Variants in EPB41L3 observed in about 807,000 individuals in gnomAD.
EPB41L3 encodes erythrocyte membrane protein band 4.1 like 3.
A neutral mutation model predicts 127.1 loss-of-function variants in EPB41L3; 57 were observed. The observed-to-expected ratio is 0.45, with a 90% CI of 0.36 to 0.56. EPB41L3 has a LOEUF of 0.56. Among genes scored for constraint, EPB41L3 ranks in the 20% least tolerant of loss-of-function variants. The pLI is 0.00. For missense variants in EPB41L3, 1,273 were observed against 1,372.2 expected (o/e 0.93, Z 1.14); for synonymous variants, 572 against 549.5 (o/e 1.04, Z -0.57).
At chr18:5,406,721 A>G in intron 16 of EPB41L3, 56 bp downstream of exon 16, 3 of 1,485,544 alleles carry the variant, frequency 2.0e-6, no homozygotes, top group Non-Finnish European at 2.8e-6. Context: ...CACACCCTGT[A>G]GAGAAGGAAG....
At chr18:5,593,781 G>C (rs1379314117) in intron 3 of EPB41L3, among the ~76,000 whole-genome samples, 2 of 152,174 alleles carry the variant, frequency 1.3e-5, no homozygotes, top group Non-Finnish European at 2.9e-5. Context: ...ACCTTCAGGG[G>C]CGCATTCTCT....
upstream of EPB41L3, chr18:5,630,654 G>C (rs532770604): frequency 4.9e-5 from 18 of 368,260 alleles, no homozygotes; most frequent in East Asian, 1.4e-3. Flanking sequence ...AGCGCGCTTC[G>C]GGCGCCTGTG....
intron 1 of EPB41L3, among the ~76,000 whole-genome samples, chr18:5,509,411 AAT>A (rs1046613739): frequency 1.3e-5 from 2 of 152,234 alleles, no homozygotes; most frequent in African/African-American, 4.8e-5. Context: ...GTCCTGAGAG[AAT>A]AGAGTTAAAC....
chr18:5,505,783 T>C (rs1300722227), intron 1 of EPB41L3, among the ~76,000 whole-genome samples: 35 of 22,612 alleles, frequency 1.5e-3, no homozygotes, highest in Admixed American at 2.0e-3. Context: ...CTCCACCCCT[T>C]CCCTCCACAC....
intron 3 of EPB41L3, among the ~76,000 whole-genome samples, chr18:5,594,232 C>T (rs187783155): frequency 1.9e-4 from 29 of 152,282 alleles, no homozygotes; most frequent in African/African-American, 7.0e-4. Context: ...TCCATGAAAT[C>T]TTCACAATCC....
rs2093828281 is a variant in EPB41L3 at position 5,543,976 on chromosome 18, G to C, written c.-75C>G. The C allele has an allele frequency of 4.1e-6, 4 of 985,592 alleles. No homozygotes were observed. The highest frequency in any genetic ancestry group is 4.8e-6 in the Non-Finnish European group (4 of 830,080). 61.1% of individuals were successfully genotyped at this position (985,592 alleles called of 1,614,324 possible). On this transcript the variant is annotated 5_prime_UTR_variant, in exon 1 of 23. Coordinates refer to ENST00000341928, the MANE Select transcript of EPB41L3 (RefSeq NM_012307.5). The surrounding 1 kb of genome is among the most constrained non-coding windows in gnomAD (Gnocchi z 5.2). The stretch of plus-strand genomic sequence containing the variant: ...GGACTAGGCTCGGGCGCGCGTCCTC[G>C]GCGGCGGTGCGCAGGAGACTCGGGC...
intron 1 of EPB41L3, among the ~76,000 whole-genome samples, chr18:5,532,232 A>G (rs1400876893): frequency 3.9e-5 from 6 of 152,204 alleles, no homozygotes; most frequent in Admixed American, 3.9e-4. Context: ...CTCAGTGTTC[A>G]CTGGTATTTG....
At chr18:5,592,213 C>T (rs774932011) in intron 3 of EPB41L3, among the ~76,000 whole-genome samples, 8 of 152,124 alleles carry the variant, frequency 5.3e-5, no homozygotes, top group Non-Finnish European at 1.0e-4. Context: ...GTCACCCAGG[C>T]GGGAGTGCAG....
intron 1 of EPB41L3, among the ~76,000 whole-genome samples, chr18:5,503,466 T>G (rs1413633163): frequency 6.6e-6 from 1 of 152,202 alleles, no homozygotes; most frequent in Non-Finnish European, 1.5e-5. Context: ...AAACAGTGTC[T>G]CTGATGGAAG....
At chr18:5,458,135 A>G (rs2322097) in intron 3 of EPB41L3, among the ~76,000 whole-genome samples, 9,979 of 152,212 alleles carry the variant, frequency 0.066, 1,082 homozygotes, top group African/African-American at 0.23. Flanking sequence ...AAATTTGTTC[A>G]TGACCAATTT....
At chr18:5,549,685 C>T (rs1435079316) in intron 3 of EPB41L3, among the ~76,000 whole-genome samples, 1 of 152,166 alleles carries the variant, frequency 6.6e-6, no homozygotes, top group African/African-American at 2.4e-5. Context: ...GTCGGAAGCT[C>T]TGGGGTGGGG....
chr18:5,563,890 T>C (rs1269206616), intron 3 of EPB41L3, among the ~76,000 whole-genome samples: 1 of 151,998 alleles, frequency 6.6e-6, no homozygotes, highest in African/African-American at 2.4e-5. Context: ...TCAGGAGAGG[T>C]TGAGACTAGG....
At chr18:5,612,106 A>G (rs2094733462) in intron 3 of EPB41L3, among the ~76,000 whole-genome samples, 1 of 151,312 alleles carries the variant, frequency 6.6e-6, no homozygotes, top group African/African-American at 2.4e-5. Flanking sequence ...AAAAAAAACC[A>G]CTACTATCAG....
intron 3 of EPB41L3, among the ~76,000 whole-genome samples, chr18:5,587,754 G>T (rs2094453193): frequency 6.6e-6 from 1 of 152,094 alleles, no homozygotes; most frequent in Admixed American, 6.5e-5. Context: ...TAATTCCAGA[G>T]AGCAGCTAGA....
intron 3 of EPB41L3, among the ~76,000 whole-genome samples, chr18:5,464,781 CTAAG>C (rs1360408729): frequency 1.1e-4 from 17 of 152,292 alleles, no homozygotes; most frequent in Admixed American, 1.0e-3. Context: ...CTCAGAGTTA[CTAAG>C]TAAGAAATCA....
chr18:5,446,865 G>A (rs1042598687), intron 3 of EPB41L3, among the ~76,000 whole-genome samples: 13 of 152,124 alleles, frequency 8.5e-5, no homozygotes, highest in Admixed American at 5.2e-4. Context: ...ACAATGAAGC[G>A]CCTGCTTGCT....
rs183916899 is a variant in EPB41L3, at chr18:5,602,750, C to T, written c.-306+9590G>A. On this transcript the variant is annotated intron_variant, in intron 3 of 21. Transcript: ENST00000545076. Reference sequence around the variant, plus strand: ...CATGAACCACTGCACCTCACCTCACCTCCTCCCTTGATACCTAGGGTGACA... The same window carrying T: ...CATGAACCACTGCACCTCACCTCACTTCCTCCCTTGATACCTAGGGTGACA... Among the ~76,000 whole-genome samples, 485 of 152,294 alleles carry T rather than the reference C, an allele frequency of 3.2e-3. 4 individuals are homozygous for T. Among genetic ancestry groups the T allele is most frequent in the Non-Finnish European group, 5.2e-3 (356 of 68,018 alleles).
intron 3 of EPB41L3, among the ~76,000 whole-genome samples, chr18:5,606,576 C>T (rs1195047162): frequency 1.3e-5 from 2 of 152,056 alleles, no homozygotes; most frequent in African/African-American, 2.4e-5. Flanking sequence ...ATTTTAGTAT[C>T]ATTTTTCTAT....
intron 3 of EPB41L3, among the ~76,000 whole-genome samples, chr18:5,452,345 A>G (rs1448992037): frequency 4.0e-5 from 6 of 151,626 alleles, no homozygotes; most frequent in African/African-American, 1.2e-4. Flanking sequence ...ATTACAGTAA[A>G]ATTGGTTTAC....
Sources: allele counts gnomAD v4.1 joint callset (sites outside exome capture counted in the v4.1 genomes callset), GRCh38; gene constraint gnomAD v4.1.1; non-coding constraint Gnocchi (gnomAD v3.1); transcripts MANE v1.5; gene names NCBI Gene and HGNC (gene_info 2026-07-23, HGNC 2026-07-21).